Variants in UEVLD observed in about 807,000 individuals in gnomAD.
UEVLD encodes the protein ubiquitin-conjugating enzyme E2 variant 3.
Under a neutral mutation model 58.6 loss-of-function variants are expected in UEVLD, and 47 were observed. That is an observed-to-expected ratio of 0.80 (90% CI 0.63 to 1.02). The LOEUF (loss-of-function observed/expected upper bound fraction) is 1.02, where lower values mean the gene tolerates loss of function less well. Among genes scored for constraint, UEVLD ranks in the 50% least tolerant of loss-of-function variants. UEVLD has a pLI of 0.00. For missense variants in UEVLD, 510 were observed against 550.6 expected, an observed-to-expected ratio of 0.93 and a Z score of 0.74; for synonymous variants, 197 against 195.3, an observed-to-expected ratio of 1.01 and a Z score of -0.07.
chr11:18,575,680 G>C (rs1023704046), intron 2 of UEVLD, among the ~76,000 whole-genome samples: 4 of 152,166 alleles, frequency 2.6e-5, no homozygotes, highest in African/African-American at 9.7e-5. Flanking sequence ...CCCACTTAGA[G>C]GAATGTGACT....
intron 6 of UEVLD, chr11:18,563,675 T>TGACAAAA: frequency 1.0e-6 from 1 of 985,078 alleles, no homozygotes. Context: ...ATTTATTTAG[T>TGACAAAA]GACAAAAGAC....
intron 7 of UEVLD, among the ~76,000 whole-genome samples, chr11:18,551,577 C>G (rs1432740968): frequency 6.6e-6 from 1 of 152,134 alleles, no homozygotes; most frequent in Non-Finnish European, 1.5e-5. Flanking sequence ...ATATATCACA[C>G]AATGTAGTAC....
intron 5 of UEVLD, among the ~76,000 whole-genome samples, chr11:18,565,245 T>C (rs894380723): frequency 2.6e-5 from 4 of 152,170 alleles, no homozygotes; most frequent in African/African-American, 9.7e-5. Context: ...TAAACATTTT[T>C]AAAATATTGT....
At chr11:18,567,062 G>C (rs144796312) in intron 4 of UEVLD, among the ~76,000 whole-genome samples, 13 of 152,224 alleles carry the variant, frequency 8.5e-5, no homozygotes, top group African/African-American at 2.9e-4. Context: ...TGAACAAACT[G>C]AACAAGTAAA....
chr11:18,581,862 G>A (rs1853257594), intron 1 of UEVLD, among the ~76,000 whole-genome samples: 1 of 152,084 alleles, frequency 6.6e-6, no homozygotes, highest in East Asian at 1.9e-4. Context: ...TTTTTGGATA[G>A]GAGTTAGCAA....
chr11:18,574,975 A>G (rs1046234482), intron 3 of UEVLD, among the ~76,000 whole-genome samples: 1 of 152,134 alleles, frequency 6.6e-6, no homozygotes, highest in Non-Finnish European at 1.5e-5. Context: ...GAGTAGTGGT[A>G]GTAGGGGGTT....
chr11:18,561,101 C>T (rs1852011784), intron 6 of UEVLD, among the ~76,000 whole-genome samples: 1 of 152,050 alleles, frequency 6.6e-6, no homozygotes, highest in South Asian at 2.1e-4. Flanking sequence ...ACCAATGCTG[C>T]TAGTTTGAAA....
chr11:18,545,827 A>C (rs1041516891), intron 8 of UEVLD, among the ~76,000 whole-genome samples: 8 of 152,344 alleles, frequency 5.3e-5, no homozygotes, highest in African/African-American at 1.9e-4. Context: ...AAACTGGTAC[A>C]AAAAACTAAA....
intron 7 of UEVLD, among the ~76,000 whole-genome samples, chr11:18,554,183 C>T (rs1851653222): frequency 6.6e-6 from 1 of 152,066 alleles, no homozygotes; most frequent in African/African-American, 2.4e-5. Context: ...CCTCTTCCTC[C>T]AAGGTTCAAG....
intron 7 of UEVLD, among the ~76,000 whole-genome samples, chr11:18,550,784 T>C (rs1343872780): frequency 1.3e-5 from 2 of 152,230 alleles, no homozygotes; most frequent in Non-Finnish European, 2.9e-5. Flanking sequence ...GAGTCTTCCA[T>C]TTCTATCAAT....
At chr11:18,557,672 T>G (rs1046696218) in intron 7 of UEVLD, among the ~76,000 whole-genome samples, 7 of 151,990 alleles carry the variant, frequency 4.6e-5, no homozygotes, top group African/African-American at 1.7e-4. Flanking sequence ...CAAGTAATCC[T>G]TCTGCCTCAG....
chr11:18,535,402 AATAC>A (rs1850750665), intron 10 of UEVLD, among the ~76,000 whole-genome samples: 1 of 152,250 alleles, frequency 6.6e-6, no homozygotes, highest in South Asian at 2.1e-4. Context: ...AAATGATAAA[AATAC>A]ATAAACACTT....
chr11:18,566,792 T>A (rs985749237), intron 4 of UEVLD, among the ~76,000 whole-genome samples: 1 of 152,168 alleles, frequency 6.6e-6, no homozygotes, highest in Non-Finnish European at 1.5e-5. Flanking sequence ...TCATGAAAAA[T>A]TACTGAATAC....
intron 9 of UEVLD, among the ~76,000 whole-genome samples, chr11:18,540,565 A>G (rs1345010772): frequency 6.6e-6 from 1 of 152,198 alleles, no homozygotes; most frequent in African/African-American, 2.4e-5. Flanking sequence ...TAGACTGGGG[A>G]GAACTACATA....
intron 7 of UEVLD, among the ~76,000 whole-genome samples, chr11:18,555,348 C>T (rs866735072): frequency 2.6e-5 from 4 of 151,484 alleles, no homozygotes; most frequent in South Asian, 2.1e-4. Context: ...ATGGTGTGAA[C>T]CCGGGAGGTG....
At chr11:18,570,134 C>T in intron 4 of UEVLD, 80 bp downstream of exon 4, 1 of 1,372,070 alleles carries the variant, frequency 7.3e-7, no homozygotes, top group Non-Finnish European at 9.9e-7. Flanking sequence ...CAGTATCATA[C>T]TTATTTGTAC....
chr11:18,544,822 A>T, intron 8 of UEVLD, 26 bp from the exon 9 acceptor site: 1 of 1,491,954 alleles, frequency 6.7e-7, no homozygotes, highest in Non-Finnish European at 8.9e-7. Flanking sequence ...AAGGTAAAAA[A>T]TGTAAAGGTT....
chr11:18,588,405 G>A (rs1481845242), intron 1 of UEVLD, among the ~76,000 whole-genome samples: 1 of 152,174 alleles, frequency 6.6e-6, no homozygotes, highest in African/African-American at 2.4e-5. Flanking sequence ...GGTGGAGGTT[G>A]GGAAACCTCA....
At chr11:18,536,895 C>CT (rs370747121) in intron 9 of UEVLD, 27,954 of 139,760 alleles carry the variant, frequency 0.2, 2,917 homozygotes, top group East Asian at 0.27. Context: ...AATCCTGTTC[C>CT]TTTTTTTTTT....
Sources: allele counts gnomAD v4.1 joint callset (sites outside exome capture counted in the v4.1 genomes callset), GRCh38; gene constraint gnomAD v4.1.1; transcripts MANE v1.5; gene names NCBI Gene and HGNC (gene_info 2026-07-23, HGNC 2026-07-21).